Variants in FCHO2 observed in about 807,000 individuals in gnomAD.
The protein encoded by FCHO2 is FCH and mu domain containing endocytic adaptor 2, also known as F-BAR domain only protein 2.
In FCHO2, 43 loss-of-function variants were observed where a neutral mutation model predicts 114.1. The ratio of observed to expected loss-of-function variants is 0.38; its 90% CI spans 0.30 to 0.49. The LOEUF (loss-of-function observed/expected upper bound fraction) is 0.49, where lower values mean the gene tolerates loss of function less well. Among genes scored for constraint, FCHO2 ranks in the 20% least tolerant of loss-of-function variants. FCHO2 has a pLI of 0.97. For synonymous variants in FCHO2, 293 were observed against 315.2 expected (o/e 0.93, Z 0.75); for missense variants, 807 against 950.4 (o/e 0.85, Z 1.98).
chr5:73,060,191 T>C (rs968271236), intron 17 of FCHO2, among the ~76,000 whole-genome samples: 5 of 152,060 alleles, frequency 3.3e-5, no homozygotes, highest in African/African-American at 1.2e-4. Context: ...TTAGTGGTCA[T>C]TGATGTTTGG....
chr5:72,974,828 G>T (rs1003345723), intron 2 of FCHO2, among the ~76,000 whole-genome samples: 1 of 152,124 alleles, frequency 6.6e-6, no homozygotes, highest in Non-Finnish European at 1.5e-5. Context: ...GCATGATTTT[G>T]CAGCGGCTGG....
chr5:72,991,839 G>A (rs1753831255), intron 5 of FCHO2, among the ~76,000 whole-genome samples: 2 of 152,118 alleles, frequency 1.3e-5, no homozygotes, highest in African/African-American at 4.8e-5. Flanking sequence ...ATGTTTAAAT[G>A]CACAGATACT....
At chr5:72,976,287 C>T (rs1030046775) in intron 2 of FCHO2, among the ~76,000 whole-genome samples, 2 of 152,052 alleles carry the variant, frequency 1.3e-5, no homozygotes, top group East Asian at 3.9e-4. Flanking sequence ...CTATGTTTCC[C>T]AGGCTAGTCT....
At chr5:73,030,719 C>CTG (rs1308701018) in intron 8 of FCHO2, among the ~76,000 whole-genome samples, 1 of 152,208 alleles carries the variant, frequency 6.6e-6, no homozygotes, top group Non-Finnish European at 1.5e-5. Context: ...GAATAGAACA[C>CTG]TGTGGGAGTG....
intron 18 of FCHO2, 104 bp downstream of exon 18, chr5:73,064,048 C>A: frequency 9.2e-7 from 1 of 1,081,634 alleles, no homozygotes; most frequent in Non-Finnish European, 1.3e-6. Flanking sequence ...AAGTTTTCTA[C>A]CCATGTCCTC....
intron 23 of FCHO2, 117 bp downstream of exon 23, chr5:73,082,099 A>G (rs1310765333): frequency 3.7e-6 from 3 of 805,342 alleles, no homozygotes; most frequent in Admixed American, 3.2e-5. Flanking sequence ...GCCTTTTTCC[A>G]TAGAAACCAC....
intron 17 of FCHO2, 69 bp from the exon 18 acceptor site, chr5:73,063,772 G>T: frequency 7.2e-7 from 1 of 1,381,504 alleles, no homozygotes; most frequent in Non-Finnish European, 1.0e-6. Context: ...CTTTATAATA[G>T]AATGTCTTTA....
Position 73,015,268 on chromosome 5 carries a change from T to C in FCHO2, c.601-358T>C, listed in dbSNP as rs1383983096. ...AATTTGGTTATATTGAGTTGATTTC[T>C]TTTTTTTTTTTGGAGACGGAGTCTC... On this transcript the variant is annotated intron_variant, in intron 6 of 25. Coordinates refer to ENST00000430046, the MANE Select transcript of FCHO2 (RefSeq NM_138782.3). Among the ~76,000 whole-genome samples the C allele has an allele frequency of 7.0e-5, 10 of 143,022 alleles. No homozygotes were observed. In the East Asian group the frequency reaches 2.0e-3, roughly 29 times the overall value. 93.8% of individuals were successfully genotyped at this position (143,022 alleles called of 152,430 possible).
At position 73,081,828 on chromosome 5, in the gene FCHO2, T is replaced by C. The variant is rs756769649; in HGVS notation, c.2026T>C (p.Tyr676His). The change falls in exon 23 of 26, where the codon TAC becomes CAC. Residue 676 changes from tyrosine to histidine, a missense_variant. By Grantham distance (83) the Tyr-to-His change is moderately conservative. Coordinates refer to ENST00000430046, the MANE Select transcript of FCHO2 (RefSeq NM_138782.3). Reference protein sequence around the residue: ...IQSTPLNLATYWKCSASTTDL... With the variant: ...IQSTPLNLATHWKCSASTTDL... ...GTCCACTCCTCTGAATCTTGCAACA[T>C]ACTGGAAATGTAGTGCTAGCACCAC... 2.6e-5 allele frequency: 42 copies of C among 1,605,274 alleles called. No homozygotes were observed. The highest frequency in any genetic ancestry group is 2.9e-5 in the Non-Finnish European group (34 of 1,175,462).
intron 1 of FCHO2, among the ~76,000 whole-genome samples, chr5:72,964,185 T>C (rs1191321222): frequency 2.0e-5 from 3 of 152,156 alleles, no homozygotes; most frequent in Non-Finnish European, 4.4e-5. Flanking sequence ...ATATAATATT[T>C]ATTTAGATAG....
chr5:73,020,285 GA>G (rs1269084410), intron 8 of FCHO2, among the ~76,000 whole-genome samples: 2 of 152,186 alleles, frequency 1.3e-5, no homozygotes, highest in African/African-American at 4.8e-5. Context: ...AAGGACATAT[GA>G]AAAGGATGAA....
chr5:72,981,172 G>A (rs999053600), intron 2 of FCHO2, among the ~76,000 whole-genome samples: 35 of 152,234 alleles, frequency 2.3e-4, no homozygotes, highest in African/African-American at 7.9e-4. Flanking sequence ...TTGCTTGTCT[G>A]TAAAGGATTT....
At chr5:72,980,608 T>G (rs1753150877) in intron 2 of FCHO2, among the ~76,000 whole-genome samples, 1 of 152,194 alleles carries the variant, frequency 6.6e-6, no homozygotes, top group South Asian at 2.1e-4. Flanking sequence ...TCAAAGAACT[T>G]GCTTTATGAA....
chr5:73,051,895 T>G (rs1394664314), intron 12 of FCHO2, among the ~76,000 whole-genome samples: 1 of 151,912 alleles, frequency 6.6e-6, no homozygotes, highest in Non-Finnish European at 1.5e-5. Flanking sequence ...TAATAAAAGT[T>G]AGTAGTCTTA....
chr5:72,990,026 A>G (rs1314485719), intron 3 of FCHO2, among the ~76,000 whole-genome samples: 4 of 152,004 alleles, frequency 2.6e-5, no homozygotes, highest in East Asian at 1.9e-4. Flanking sequence ...TGCCATAACA[A>G]TTATGGAAAG....
chr5:72,989,332 T>A, intron 2 of FCHO2, 95 bp from the exon 3 acceptor site: 1 of 836,442 alleles, frequency 1.2e-6, no homozygotes. Flanking sequence ...TTTTGAGGTA[T>A]CTTTTTGTTT....
chr5:73,021,061 T>G (rs1580117300), intron 8 of FCHO2: 1 of 925,756 alleles, frequency 1.1e-6, no homozygotes, highest in East Asian at 2.4e-5. Flanking sequence ...TACCTGGTCC[T>G]CTCCCTCTGG....
chr5:73,039,223 G>A (rs753780760), intron 10 of FCHO2, among the ~76,000 whole-genome samples: 10 of 152,190 alleles, frequency 6.6e-5, no homozygotes, highest in Non-Finnish European at 4.4e-5. Context: ...TTCATAGCCT[G>A]AAGGCTTTTG....
At chr5:73,072,972 T>G (rs1331331803) in intron 19 of FCHO2, among the ~76,000 whole-genome samples, 1 of 152,096 alleles carries the variant, frequency 6.6e-6, no homozygotes, top group East Asian at 1.9e-4. Flanking sequence ...TATGTTTTCC[T>G]GAATTTCTGA....
Sources: allele counts gnomAD v4.1 joint callset (sites outside exome capture counted in the v4.1 genomes callset), GRCh38; gene constraint gnomAD v4.1.1; transcripts MANE v1.5; gene names NCBI Gene and HGNC (gene_info 2026-07-23, HGNC 2026-07-21).